ARID2: variants seen among roughly 807,000 people sequenced by gnomAD.
ARID2 encodes the protein AT-rich interaction domain 2.
In ARID2, 32 loss-of-function variants were observed where a neutral mutation model predicts 184.6. The observed-to-expected ratio is 0.17, with a 90% CI of 0.13 to 0.23. ARID2 has a LOEUF of 0.23. Among genes scored for constraint, ARID2 ranks in the 10% least tolerant of loss-of-function variants. The probability of loss-of-function intolerance (pLI) is 1.00; values close to 1 mark genes in which losing one functional copy is unlikely to be tolerated. For synonymous variants in ARID2, 836 were observed against 772.6 expected (o/e 1.08, Z -1.36); for missense variants, 1,696 against 2,197.6 (o/e 0.77, Z 4.56).
chr12:45,795,547 C>G (rs1275297295), intron 3 of ARID2, among the ~76,000 whole-genome samples: 2 of 152,118 alleles, frequency 1.3e-5, no homozygotes, highest in Admixed American at 1.3e-4. Flanking sequence ...ATTCTCCTGC[C>G]TCAGCCTCCT....
intron 3 of ARID2, among the ~76,000 whole-genome samples, chr12:45,777,658 A>AT (rs1942010742): frequency 6.6e-6 from 1 of 151,892 alleles, no homozygotes; most frequent in African/African-American, 2.4e-5. Flanking sequence ...TAGGTGCTAC[A>AT]TATTTTATTC....
Position 45,852,771 on chromosome 12 carries a change from A to G in ARID2, c.4648A>G (p.Ser1550Gly), listed in dbSNP as rs1024679911. 6.2e-7 allele frequency: 1 copy of G among 1,614,176 alleles called. No individual in the cohort carries two copies. The highest frequency in any genetic ancestry group is 1.6e-4 in the Middle Eastern group (1 of 6,062). ...TISDPNNAGC[S>G]ATMVAVPAGA... ...CAGTGACCCCAACAATGCTGGCTGC[A>G]GCGCAACAATGGTTGCTGTGCCAGC... The change falls in exon 15 of 21, where the codon AGC becomes GGC. Residue 1550 changes from serine (S) to glycine (G), a missense_variant. Ser to Gly is a moderately conservative substitution (Grantham distance 56). Transcript: ENST00000334344.
chr12:45,836,916 A>G lies in ARID2; in HGVS notation c.948A>G (p.Leu316=), dbSNP rs756442930. 2.2e-5 allele frequency: 35 copies of G among 1,613,944 alleles called. No homozygotes were observed. The highest frequency in any genetic ancestry group is 3.3e-5 in the South Asian group (3 of 91,086). The change falls in exon 8 of 21, where the codon CTA becomes CTG. Residue 316 remains leucine, a synonymous_variant. Coordinates refer to ENST00000334344, the MANE Select transcript of ARID2 (RefSeq NM_152641.4). ...CTAATCGTACCTGTCTTCGTTTCCTATTACTTTCTGCACATAGTCATTTTA... is the reference window on the plus strand; with the variant it reads ...CTAATCGTACCTGTCTTCGTTTCCTGTTACTTTCTGCACATAGTCATTTTA... The part of the protein sequence containing the change: ...LAANRTCLRF[L]LLSAHSHFIS...
intron 11 of ARID2, among the ~76,000 whole-genome samples, chr12:45,844,442 T>G (rs1349929084): frequency 6.6e-6 from 1 of 152,212 alleles, no homozygotes; most frequent in Non-Finnish European, 1.5e-5. Context: ...ATCATTACTC[T>G]ACAATTTATC....
rs184384689 is a variant in ARID2 at position 45,872,716 on chromosome 12, C to T, written c.4922+11767C>T. Among the ~76,000 whole-genome samples, 336 of 152,306 alleles carry T rather than the reference C, an allele frequency of 2.2e-3. 1 individual carries two copies. The highest frequency in any genetic ancestry group is 7.4e-3 in the African/African-American group (307 of 41,566). ...GGACACAGCCAAACCATATCAATTA[C>T]TATTTAATTCCATTGTGGTTTCAGA... On this transcript the variant is annotated intron_variant, in intron 16 of 20. Transcript: ENST00000334344.
intron 15 of ARID2, among the ~76,000 whole-genome samples, chr12:45,855,744 G>C (rs752997618): frequency 1.3e-5 from 2 of 152,186 alleles, no homozygotes; most frequent in East Asian, 3.9e-4. Flanking sequence ...GAAGACAGGG[G>C]CTTACTCTGT....
At position 45,906,459 on chromosome 12, in the gene ARID2, T is replaced by C. The variant is rs187067799; in HGVS notation, c.*1381T>C. ...TCCTTAGGATGTGCAGTAAAAAATATAGACCTAACAGTTTATGTTATAGAA... is the reference window on the plus strand; with the variant it reads ...TCCTTAGGATGTGCAGTAAAAAATACAGACCTAACAGTTTATGTTATAGAA... On this transcript the variant is annotated 3_prime_UTR_variant, in exon 21 of 21. Transcript: ENST00000334344. 10 of 232,828 alleles carry C rather than the reference T, an allele frequency of 4.3e-5. No individual in the cohort carries two copies. Among genetic ancestry groups the C allele is most frequent in the Non-Finnish European group, 6.8e-5 (8 of 117,632 alleles). 14.4% of individuals were successfully genotyped at this position (232,828 alleles called of 1,614,324 possible).
intron 10 of ARID2, among the ~76,000 whole-genome samples, chr12:45,838,889 A>G (rs1943274429): frequency 6.7e-6 from 1 of 148,384 alleles, no homozygotes; most frequent in South Asian, 2.1e-4. Context: ...TTTTTGAGAC[A>G]GAATCTCACT....
chr12:45,783,747 TC>T (rs1706052135), intron 3 of ARID2, among the ~76,000 whole-genome samples: 1 of 152,226 alleles, frequency 6.6e-6, no homozygotes, highest in Non-Finnish European at 1.5e-5. Flanking sequence ...GCAGCCCGGT[TC>T]CTAACAGGTC....
rs1940994502 is a variant in ARID2, at chr12:45,731,375, T to G, written c.284+61T>G. ...TAAGGGACTTATGGAGAGATTTGTT[T>G]TTAGCAAAAACAAAAGCAAACCTTG... On this transcript the variant is annotated intron_variant, in intron 3 of 20. Transcript: ENST00000334344. 17 of 1,307,734 alleles carry G rather than the reference T, an allele frequency of 1.3e-5. No homozygotes were observed. The Admixed American group carries it at 2.9e-4, about 23-fold the overall frequency. 81.0% of individuals were successfully genotyped at this position (1,307,734 alleles called of 1,614,324 possible).
intron 3 of ARID2, among the ~76,000 whole-genome samples, chr12:45,752,908 T>C (rs1941491566): frequency 6.6e-6 from 1 of 152,264 alleles, no homozygotes; most frequent in Non-Finnish European, 1.5e-5. Context: ...CATCATGTAG[T>C]TTACTCTTAA....
chr12:45,796,632 G>C (rs1321961513), intron 3 of ARID2, among the ~76,000 whole-genome samples: 1 of 152,114 alleles, frequency 6.6e-6, no homozygotes, highest in East Asian at 1.9e-4. Context: ...GCCTGCTTTA[G>C]TCTCCAGAGT....
rs1404927149 is a variant in ARID2 at position 45,851,454 on chromosome 12, G to A, written c.3331G>A (p.Val1111Met). ...VASNQAAGFG[V>M]QGQTPAQQLL... The stretch of plus-strand genomic sequence containing the variant: ...CAGTAACCAAGCCGCAGGTTTTGGA[G>A]TGCAGGGGCAAACTCCAGCTCAGCA... The change falls in exon 15 of 21, where the codon GTG becomes ATG. Residue 1111 changes from valine to methionine, a missense_variant. Around this residue, in one of 11 missense-constraint regions of ARID2, gnomAD observed 713 missense variants for 824.4 expected, o/e 0.86. Coordinates refer to ENST00000334344, the MANE Select transcript of ARID2 (RefSeq NM_152641.4). The A allele has an allele frequency of 6.2e-7, 1 of 1,614,170 alleles. No individual in the cohort carries two copies.
At chr12:45,904,647 C>T (rs1020375201) in intron 20 of ARID2, among the ~76,000 whole-genome samples, 11 of 142,474 alleles carry the variant, frequency 7.7e-5, no homozygotes, top group African/African-American at 1.9e-4. Flanking sequence ...GCTAAGATTG[C>T]GCCATTACAC....
chr12:45,748,927 A>G (rs1482914974), intron 3 of ARID2, among the ~76,000 whole-genome samples: 1 of 152,330 alleles, frequency 6.6e-6, no homozygotes, highest in East Asian at 1.9e-4. Flanking sequence ...CACATCTGCA[A>G]TGACCTCCTC....
intron 3 of ARID2, among the ~76,000 whole-genome samples, chr12:45,798,937 T>C (rs1024570486): frequency 1.3e-5 from 2 of 151,594 alleles, no homozygotes; most frequent in African/African-American, 4.8e-5. Context: ...CATATAAGTA[T>C]AATTATATAC....
chr12:45,747,129 A>G (rs781704653), intron 3 of ARID2, among the ~76,000 whole-genome samples: 7 of 152,214 alleles, frequency 4.6e-5, no homozygotes, highest in Non-Finnish European at 8.8e-5. Context: ...AATTCACATG[A>G]ATATAATTTT....
chr12:45,735,921 T>C (rs1320779040), intron 3 of ARID2, among the ~76,000 whole-genome samples: 1 of 152,266 alleles, frequency 6.6e-6, no homozygotes, highest in East Asian at 1.9e-4. Context: ...TATGCTTTTT[T>C]TTTGCAGTTA....
chr12:45,778,364 CTCA>C (rs1322390926), intron 3 of ARID2, among the ~76,000 whole-genome samples: 2 of 152,034 alleles, frequency 1.3e-5, no homozygotes, highest in Non-Finnish European at 2.9e-5. Flanking sequence ...GGTATCTAAC[CTCA>C]TCATAACTCT....
Sources: allele counts gnomAD v4.1 joint callset (sites outside exome capture counted in the v4.1 genomes callset), GRCh38; gene constraint gnomAD v4.1.1; regional missense constraint gnomAD v4.1.1; transcripts MANE v1.5; gene names NCBI Gene and HGNC (gene_info 2026-07-23, HGNC 2026-07-21).